POU3F2: variants seen among roughly 807,000 people sequenced by gnomAD.
POU3F2 encodes POU domain, class 3, transcription factor 2.
POU3F2 carries 11 observed loss-of-function variants against 33.1 expected under a neutral mutation model. That is an observed-to-expected ratio of 0.33 (90% confidence interval 0.21 to 0.55). The LOEUF (loss-of-function observed/expected upper bound fraction) is 0.55, where lower values mean the gene tolerates loss of function less well. POU3F2 is among the 20% of genes least tolerant of loss of function. The pLI is 0.91. For synonymous variants in POU3F2, 332 were observed against 289.6 expected, an observed-to-expected ratio of 1.15 and a Z score of -1.49; for missense variants, 456 against 620.2, an observed-to-expected ratio of 0.74 and a Z score of 2.81.
chr6:98,837,369 A>G lies in POU3F2; in HGVS notation c.*1164A>G, dbSNP rs1298096994. Reference sequence around the variant, plus strand: ...ATAGTTCTCTACCTTCAGTTTTAGTAACAATTATGAAGAATTATTTGTGCT... The same window carrying G: ...ATAGTTCTCTACCTTCAGTTTTAGTGACAATTATGAAGAATTATTTGTGCT... On this transcript the variant is annotated 3_prime_UTR_variant, in exon 1 of 1. Transcript: ENST00000328345. The G allele has an allele frequency of 6.0e-6, 1 of 167,082 alleles. No individual in the cohort carries two copies. Among genetic ancestry groups the G allele is most frequent in the Non-Finnish European group, 1.5e-5 (1 of 68,120 alleles). The allele number at this position is 167,082 out of a possible 1,614,324, so 10.3% of individuals were successfully genotyped here. A position where few individuals can be genotyped will look rare whatever the true frequency, so the allele number is the denominator to read the frequency against.
In POU3F2 at chr6:98,837,445, A is replaced by G. The variant is rs2128368134; in HGVS notation, c.*1240A>G. ...TCTAATAGCTTTTTTTTTACATAAA[A>G]AAAGACCCAGGAACTTAATAGTGTA... On this transcript the variant is annotated 3_prime_UTR_variant, in exon 1 of 1. Coordinates refer to ENST00000328345, the MANE Select transcript of POU3F2 (RefSeq NM_005604.4). 6.0e-6 allele frequency: 1 copy of G among 167,184 alleles called. No homozygotes were observed. Among genetic ancestry groups the G allele is most frequent in the Non-Finnish European group, 1.5e-5 (1 of 68,106 alleles). The allele number at this position is 167,184 out of a possible 1,614,324, so 10.4% of individuals were successfully genotyped here.
Position 98,835,233 on chromosome 6 carries a change from G to C in POU3F2, c.360G>C (p.Gly120=). The C allele has an allele frequency of 6.5e-7, 1 of 1,540,398 alleles. No homozygotes were observed. The highest frequency in any genetic ancestry group is 8.7e-7 in the Non-Finnish European group (1 of 1,144,088). The part of the protein sequence containing the change: ...QQGGRGDELH[G]PGALQQQHQQ... ...GCGGCCGCGGAGACGAGCTGCACGG[G>C]CCAGGCGCCCTGCAGCAGCAGCATC... The change falls in exon 1 of 1, where the codon GGG becomes GGC. Residue 120 remains glycine, a synonymous_variant. Transcript: ENST00000328345. The surrounding 1 kb of genome is among the most constrained non-coding windows in gnomAD (Gnocchi z 9.7).
In POU3F2 at chr6:98,834,732, G is replaced by T. The variant is rs1449419734; in HGVS notation, c.-142G>T. 5 of 916,086 alleles carry T rather than the reference G, an allele frequency of 5.5e-6. No individual in the cohort carries two copies. The highest frequency in any genetic ancestry group is 7.9e-6 in the Non-Finnish European group (5 of 630,394). The allele number at this position is 916,086 out of a possible 1,614,324, so 56.7% of individuals were successfully genotyped here. A position where few individuals can be genotyped will look rare whatever the true frequency, so the allele number is the denominator to read the frequency against. ...AATAGCAGGAGCAGCAACAGAAGGC[G>T]TCGGAGCGGGCGTCGGAGCTGCCCG... is the stretch of plus-strand genomic sequence containing the variant. On this transcript the variant is annotated 5_prime_UTR_variant, in exon 1 of 1. Coordinates refer to ENST00000328345, the MANE Select transcript of POU3F2 (RefSeq NM_005604.4).
rs1230575770 is a variant in POU3F2, at chr6:98,835,607, C to G, written c.734C>G (p.Pro245Arg). The G allele has an allele frequency of 3.1e-6, 5 of 1,610,518 alleles. No individual in the cohort carries two copies. Among genetic ancestry groups the G allele is most frequent in the Non-Finnish European group, 4.2e-6 (5 of 1,179,110 alleles). Reference sequence around the variant, plus strand: ...CAGCAGCCGCCGCCCCCGCCGCCCCCGCAGGGTCCGCCTGGCCACCCAGGC... The same window carrying G: ...CAGCAGCCGCCGCCCCCGCCGCCCCGGCAGGGTCCGCCTGGCCACCCAGGC... The part of the protein sequence containing the change: ...PHQQPPPPPP[P>R]QGPPGHPGAH... The change falls in exon 1 of 1, where the codon CCG becomes CGG. Residue 245 changes from proline to arginine, a missense_variant. Physicochemically the swap from Pro to Arg is moderately radical, Grantham distance 103. Coordinates refer to ENST00000328345, the MANE Select transcript of POU3F2 (RefSeq NM_005604.4). This position sits in a 1 kb window ranked among gnomAD's most constrained non-coding sequence, Gnocchi z 9.7.
chr6:98,834,823 G>A lies in POU3F2; in HGVS notation c.-51G>A, dbSNP rs1769966887. The A allele has an allele frequency of 6.4e-7, 1 of 1,570,286 alleles. No homozygotes were observed. The highest frequency in any genetic ancestry group is 8.6e-7 in the Non-Finnish European group (1 of 1,162,950). Reference sequence around the variant, plus strand: ...GGGAGCCCGAGGCGAAAAAGTAACTGTCAAATGCGCGGCTCCTTTAACCGG... The same window carrying A: ...GGGAGCCCGAGGCGAAAAAGTAACTATCAAATGCGCGGCTCCTTTAACCGG... On this transcript the variant is annotated 5_prime_UTR_variant, in exon 1 of 1. Transcript: ENST00000328345.
At position 98,838,587 on chromosome 6, in the gene POU3F2, G is replaced by T. The variant is rs533797850; in HGVS notation, c.*2382G>T. 1 of 166,322 alleles carries T rather than the reference G, an allele frequency of 6.0e-6. No homozygotes were observed. The highest frequency in any genetic ancestry group is 6.6e-5 in the Admixed American group (1 of 15,234). 10.3% of individuals were successfully genotyped at this position (166,322 alleles called of 1,614,324 possible). A position where few individuals can be genotyped will look rare whatever the true frequency, so the allele number is the denominator to read the frequency against. On this transcript the variant is annotated 3_prime_UTR_variant, in exon 1 of 1. Transcript: ENST00000328345. ...TATTTATTTCTTTTGAAACAAAAAG[G>T]TTCTGGAAACTGTTTTTCTGTAGCT...
rs1291723915 is a variant in POU3F2, at chr6:98,834,579, G to C, written c.-295G>C. 1 of 428,730 alleles carries C rather than the reference G, an allele frequency of 2.3e-6. No individual in the cohort carries two copies. Among genetic ancestry groups the C allele is most frequent in the Non-Finnish European group, 4.2e-6 (1 of 235,990 alleles). 26.6% of individuals were successfully genotyped at this position (428,730 alleles called of 1,614,324 possible). A position where few individuals can be genotyped will look rare whatever the true frequency, so the allele number is the denominator to read the frequency against. On this transcript the variant is annotated 5_prime_UTR_variant, in exon 1 of 1. Coordinates refer to ENST00000328345, the MANE Select transcript of POU3F2 (RefSeq NM_005604.4). Reference sequence around the variant, plus strand: ...GGCGCTGCCAAGAGAGCGGGAGAGAGCTGGAGAGAGCAGGGAGAGGGGGGA... The same window carrying C: ...GGCGCTGCCAAGAGAGCGGGAGAGACCTGGAGAGAGCAGGGAGAGGGGGGA...
Position 98,835,917 on chromosome 6 carries a change from C to A in POU3F2, c.1044C>A (p.Ile348=), listed in dbSNP as rs765077394. 6.2e-7 allele frequency: 1 copy of A among 1,614,202 alleles called. No individual in the cohort carries two copies. The highest frequency in any genetic ancestry group is 1.1e-5 in the South Asian group (1 of 91,086). The change falls in exon 1 of 1, where the codon ATC becomes ATA. Residue 348 remains isoleucine, a synonymous_variant. Coordinates refer to ENST00000328345, the MANE Select transcript of POU3F2 (RefSeq NM_005604.4). The surrounding 1 kb of genome is among the most constrained non-coding windows in gnomAD (Gnocchi z 9.7). The stretch of plus-strand genomic sequence containing the variant: ...GCAGCCCCACGAGCATAGACAAGAT[C>A]GCAGCGCAAGGGCGCAAGCGGAAAA... ...SSGSPTSIDK[I]AAQGRKRKKR... is the part of the protein sequence containing the mutation.
Position 98,836,236 on chromosome 6 carries a change from G to C in POU3F2, c.*31G>C. 6.5e-7 allele frequency: 1 copy of C among 1,545,866 alleles called. No individual in the cohort carries two copies. The highest frequency in any genetic ancestry group is 8.7e-7 in the Non-Finnish European group (1 of 1,156,054). On this transcript the variant is annotated 3_prime_UTR_variant, in exon 1 of 1. Coordinates refer to ENST00000328345, the MANE Select transcript of POU3F2 (RefSeq NM_005604.4). ...AGCTGGGGGAGGGGCAGAGCGCGGG[G>C]CTCCCCCTCCCCTTCGGTCCTTGGC... is the stretch of plus-strand genomic sequence containing the variant.
rs751627810 is a variant in POU3F2 at position 98,835,073 on chromosome 6, ACGGCGG to A, written c.210_215del (p.Gly87_Gly88del). On this transcript the variant is annotated inframe_deletion, in exon 1 of 1. Transcript: ENST00000328345. The surrounding 1 kb of genome is among the most constrained non-coding windows in gnomAD (Gnocchi z 9.7). ...CACCAGTGGATCACCGCGCTGTCCCACGGCGGCGGCGGCGGGGGCGGTGGCGGCGGC... is the reference window on the plus strand; with the variant it reads ...CACCAGTGGATCACCGCGCTGTCCCACGGCGGCGGGGGCGGTGGCGGCGGC... 3.3e-6 allele frequency: 4 copies of A among 1,218,196 alleles called. No individual in the cohort carries two copies. The highest frequency in any genetic ancestry group is 3.2e-5 in the East Asian group (1 of 30,904). The allele number at this position is 1,218,196 out of a possible 1,614,324, so 75.5% of individuals were successfully genotyped here.
At position 98,836,471 on chromosome 6, in the gene POU3F2, A is replaced by G. The variant is rs1770000976; in HGVS notation, c.*266A>G. 1 of 376,042 alleles carries G rather than the reference A, an allele frequency of 2.7e-6. No homozygotes were observed. Among genetic ancestry groups the G allele is most frequent in the Non-Finnish European group, 4.9e-6 (1 of 205,104 alleles). 23.3% of individuals were successfully genotyped at this position (376,042 alleles called of 1,614,324 possible). A position where few individuals can be genotyped will look rare whatever the true frequency, so the allele number is the denominator to read the frequency against. On this transcript the variant is annotated 3_prime_UTR_variant, in exon 1 of 1. Coordinates refer to ENST00000328345, the MANE Select transcript of POU3F2 (RefSeq NM_005604.4). ...CAATGGAGTGGAGTGTCTCCTGGAG[A>G]GAGTGAGGAGAGTGTGTGATAGCTA...
Position 98,838,255 on chromosome 6 carries a change from T to A in POU3F2, c.*2050T>A, listed in dbSNP as rs1482810455. On this transcript the variant is annotated 3_prime_UTR_variant, in exon 1 of 1. Coordinates refer to ENST00000328345, the MANE Select transcript of POU3F2 (RefSeq NM_005604.4). ...TTCCTGAGGTATGGGAACTGGCCTTTAGTGAAGCTATCCAGAGCAGGGCAA... is the reference window on the plus strand; with the variant it reads ...TTCCTGAGGTATGGGAACTGGCCTTAAGTGAAGCTATCCAGAGCAGGGCAA... 1 of 167,054 alleles carries A rather than the reference T, an allele frequency of 6.0e-6. No individual in the cohort carries two copies. Among genetic ancestry groups the A allele is most frequent in the Non-Finnish European group, 1.5e-5 (1 of 68,120 alleles). 10.3% of individuals were successfully genotyped at this position (167,054 alleles called of 1,614,324 possible).
In POU3F2 at chr6:98,836,979, C is replaced by T. The variant is rs1582335653; in HGVS notation, c.*774C>T. ...GAGGGTGTAACATCTATTTGTTCCT[C>T]TTACCAAAGCAAAAGGATTGGCTTC... is the stretch of plus-strand genomic sequence containing the variant. On this transcript the variant is annotated 3_prime_UTR_variant, in exon 1 of 1. Transcript: ENST00000328345. 1 of 167,064 alleles carries T rather than the reference C, an allele frequency of 6.0e-6. No individual in the cohort carries two copies. Among genetic ancestry groups the T allele is most frequent in the Admixed American group, 6.5e-5 (1 of 15,290 alleles). 10.3% of individuals were successfully genotyped at this position (167,064 alleles called of 1,614,324 possible).
chr6:98,834,966 G>C lies in POU3F2; in HGVS notation c.93G>C (p.Ala31=), dbSNP rs767818457. The C allele has an allele frequency of 4.4e-6, 7 of 1,599,274 alleles. No individual in the cohort carries two copies. In the South Asian group the frequency reaches 5.5e-5, roughly 13 times the overall value. ...CGCCCGGCGGCATGCAGCAGGGCGCGGGGGGCTACCGCGAAGCGCAGAGCC... is the reference window on the plus strand; with the variant it reads ...CGCCCGGCGGCATGCAGCAGGGCGCCGGGGGCTACCGCGAAGCGCAGAGCC... ...AEPPGGMQQG[A]GGYREAQSLV... is the part of the protein sequence containing the mutation. Residue 31 remains alanine, a synonymous_variant, in exon 1 of 1, where the codon GCG becomes GCC. Coordinates refer to ENST00000328345, the MANE Select transcript of POU3F2 (RefSeq NM_005604.4).
chr6:98,834,646 G>T lies in POU3F2; in HGVS notation c.-228G>T. ...AGAGTGAGCGAGAGCGAGAAGGAGGGAGAGGAGGAGAAAGAGAGCGAGGGC... is the reference window on the plus strand; with the variant it reads ...AGAGTGAGCGAGAGCGAGAAGGAGGTAGAGGAGGAGAAAGAGAGCGAGGGC... On this transcript the variant is annotated 5_prime_UTR_variant, in exon 1 of 1. Transcript: ENST00000328345. 3.5e-6 allele frequency: 2 copies of T among 570,882 alleles called. No homozygotes were observed. Among genetic ancestry groups the T allele is most frequent in the South Asian group, 2.0e-5 (1 of 50,486 alleles). The allele number at this position is 570,882 out of a possible 1,614,324, so 35.4% of individuals were successfully genotyped here. A position where few individuals can be genotyped will look rare whatever the true frequency, so the allele number is the denominator to read the frequency against.
At position 98,837,710 on chromosome 6, in the gene POU3F2, T is replaced by A. The variant is rs138384155; in HGVS notation, c.*1505T>A. The A allele has an allele frequency of 4.1e-3, 686 of 167,136 alleles. 4 individuals are homozygous for A. Among genetic ancestry groups the A allele is most frequent in the Non-Finnish European group, 7.0e-3 (475 of 68,116 alleles). The allele number at this position is 167,136 out of a possible 1,614,324, so 10.4% of individuals were successfully genotyped here. Reference sequence around the variant, plus strand: ...AAAAAAAAATGCCATTTTCAATCCTTCCTTTCTCCCCTTTGTTAATAGTTT... The same window carrying A: ...AAAAAAAAATGCCATTTTCAATCCTACCTTTCTCCCCTTTGTTAATAGTTT... On this transcript the variant is annotated 3_prime_UTR_variant, in exon 1 of 1. Transcript: ENST00000328345.
At position 98,834,986 on chromosome 6, in the gene POU3F2, A is replaced by G. The variant is rs1431637236; in HGVS notation, c.113A>G (p.Gln38Arg). Residue 38 changes from glutamine to arginine, a missense_variant, in exon 1 of 1, where the codon CAG becomes CGG. Gln to Arg is a conservative substitution (Grantham distance 43, BLOSUM62 1). This residue lies in a region of POU3F2 where 341 missense variants were observed against 382.4 expected (regional missense o/e 0.89). Coordinates refer to ENST00000328345, the MANE Select transcript of POU3F2 (RefSeq NM_005604.4). The stretch of plus-strand genomic sequence containing the variant: ...GGCGCGGGGGGCTACCGCGAAGCGC[A>G]GAGCCTGGTGCAGGGCGACTACGGC... The part of the protein sequence containing the change: ...QQGAGGYREA[Q>R]SLVQGDYGAL... The G allele has an allele frequency of 1.3e-6, 2 of 1,598,006 alleles. No individual in the cohort carries two copies. Among genetic ancestry groups the G allele is most frequent in the African/African-American group, 2.7e-5 (2 of 74,688 alleles).
chr6:98,835,032 C>G lies in POU3F2; in HGVS notation c.159C>G (p.His53Gln), dbSNP rs900614259. The G allele has an allele frequency of 1.3e-6, 2 of 1,539,218 alleles. No individual in the cohort carries two copies. The highest frequency in any genetic ancestry group is 1.7e-6 in the Non-Finnish European group (2 of 1,149,684). The change falls in exon 1 of 1, where the codon CAC becomes CAG. Residue 53 changes from histidine (H) to glutamine (Q), a missense_variant. This residue lies in a region of POU3F2 where 341 missense variants were observed against 382.4 expected (regional missense o/e 0.89). Transcript: ENST00000328345. This position sits in a 1 kb window ranked among gnomAD's most constrained non-coding sequence, Gnocchi z 9.7. ...GDYGALQSNG[H>Q]PLSHAHQWIT... ...ACGGCGCTCTGCAGAGCAACGGACA[C>G]CCGCTCAGCCACGCTCACCAGTGGA...
In POU3F2 at chr6:98,836,099, A is replaced by T; in HGVS notation, c.1226A>T (p.Glu409Val). The part of the protein sequence containing the change: ...RVWFCNRRQK[E>V]KRMTPPGGTL... ...TGGTTTTGTAACAGGAGACAGAAAG[A>T]GAAAAGGATGACCCCTCCCGGAGGG... is the stretch of plus-strand genomic sequence containing the variant. The change falls in exon 1 of 1, where the codon GAG (glutamate) becomes GTG (valine). Residue 409 changes from glutamate (E) to valine (V), a missense_variant. Transcript: ENST00000328345. 6.2e-7 allele frequency: 1 copy of T among 1,604,592 alleles called. No individual in the cohort carries two copies. Among genetic ancestry groups the T allele is most frequent in the Non-Finnish European group, 8.5e-7 (1 of 1,177,794 alleles).
Sources: allele counts gnomAD v4.1 joint callset, GRCh38; gene constraint gnomAD v4.1.1; regional missense constraint gnomAD v4.1.1; non-coding constraint Gnocchi (gnomAD v3.1); transcripts MANE v1.5; gene names NCBI Gene and HGNC (gene_info 2026-07-23, HGNC 2026-07-21).